EVC2: variants seen among roughly 807,000 people sequenced by gnomAD.
EVC2 encodes the protein EvC ciliary complex subunit 2.
A neutral mutation model predicts 149.3 loss-of-function variants in EVC2; 148 were observed. The observed-to-expected ratio is 0.99, with a 90% CI of 0.87 to 1.14. The LOEUF (loss-of-function observed/expected upper bound fraction) is 1.14, where lower values mean the gene tolerates loss of function less well. EVC2 is among the 50% of genes most tolerant of loss of function. EVC2 has a pLI of 0.00. For missense variants in EVC2, 1,854 were observed against 1,627.3 expected, an observed-to-expected ratio of 1.14 and a Z score of -2.40; for synonymous variants, 776 against 649.9, an observed-to-expected ratio of 1.19 and a Z score of -2.95.
intron 3 of EVC2, among the ~76,000 whole-genome samples, chr4:5,692,873 CA>C (rs1162271018): frequency 1.7e-3 from 63 of 37,226 alleles, no homozygotes; most frequent in East Asian, 6.4e-3. Context: ...GACTCCGTCT[CA>C]AAAAAAAAAA....
rs182186970 is a variant in EVC2, at chr4:5,634,765, G to A, written c.1471-2733C>T. Among the ~76,000 whole-genome samples the A allele has an allele frequency of 3.1e-3, 475 of 152,186 alleles. 1 individual carries two copies. Among genetic ancestry groups the A allele is most frequent in the Non-Finnish European group, 4.9e-3 (333 of 68,008 alleles). On this transcript the variant is annotated intron_variant, in intron 10 of 21. Coordinates refer to ENST00000344408, the MANE Select transcript of EVC2 (RefSeq NM_147127.5). ...GAGAAAACTAAGCCCTAAAGCAGGGGAGGCACACCCCTGGGCCTGCCAAAC... is the reference window on the plus strand; with the variant it reads ...GAGAAAACTAAGCCCTAAAGCAGGGAAGGCACACCCCTGGGCCTGCCAAAC...
intron 7 of EVC2, among the ~76,000 whole-genome samples, chr4:5,672,396 G>C (rs543300937): frequency 6.6e-6 from 1 of 152,326 alleles, no homozygotes; most frequent in East Asian, 1.9e-4. Flanking sequence ...AAGAAACATG[G>C]TTAGATCAGT....
rs1261130284 is a variant in EVC2 at position 5,594,393 on chromosome 4, G to C, written c.2830-9543C>G. Among the ~76,000 whole-genome samples the C allele has an allele frequency of 2.0e-5, 3 of 152,292 alleles. No homozygotes were observed. The East Asian group carries it at 5.8e-4, about 29-fold the overall frequency. ...GACAAAACTTCCAGAGGAACGATCA[G>C]ACAGCAGCATTCGCGGTTCATGAAA... On this transcript the variant is annotated intron_variant, in intron 16 of 21. Coordinates refer to ENST00000344408, the MANE Select transcript of EVC2 (RefSeq NM_147127.5).
intron 20 of EVC2, 148 bp downstream of exon 20, chr4:5,568,295 AT>A: frequency 1.2e-6 from 1 of 857,432 alleles, no homozygotes; most frequent in East Asian, 2.7e-5. Context: ...GGGTGAACTT[AT>A]TTTCTTAAGA....
chr4:5,699,122 C>T (rs77821743), intron 1 of EVC2, among the ~76,000 whole-genome samples: 7,728 of 152,154 alleles, frequency 0.051, 652 homozygotes, highest in African/African-American at 0.17. Context: ...GGCCCACCCA[C>T]GGAGATGGAG....
intron 16 of EVC2, among the ~76,000 whole-genome samples, chr4:5,588,774 A>C (rs1712526948): frequency 1.3e-5 from 2 of 152,182 alleles, no homozygotes; most frequent in Non-Finnish European, 2.9e-5. Flanking sequence ...TTCCATATCT[A>C]TACTTAACCT....
intron 16 of EVC2, among the ~76,000 whole-genome samples, chr4:5,599,659 C>T (rs1713804316): frequency 6.6e-6 from 1 of 152,088 alleles, no homozygotes; most frequent in African/African-American, 2.4e-5. Flanking sequence ...CAGCATGGCA[C>T]ATGTATACAT....
At chr4:5,529,675 T>C in the EVC2 span, among the ~76,000 whole-genome samples, 1 of 152,198 alleles carries the variant, frequency 6.6e-6, no homozygotes, top group Non-Finnish European at 1.5e-5. This position sits in a 1 kb window ranked among gnomAD's most constrained non-coding sequence, Gnocchi z 4.5. Context: ...TTAGGAATGT[T>C]CCCATGTGGC....
intron 9 of EVC2, among the ~76,000 whole-genome samples, chr4:5,645,099 C>G (rs1011327743): frequency 6.6e-6 from 1 of 152,110 alleles, no homozygotes; most frequent in African/African-American, 2.4e-5. Flanking sequence ...AGGATTCCCC[C>G]ATAATGGTAC....
At chr4:5,669,931 T>A (rs1719527733) in intron 7 of EVC2, among the ~76,000 whole-genome samples, 1 of 152,192 alleles carries the variant, frequency 6.6e-6, no homozygotes, top group Non-Finnish European at 1.5e-5. Flanking sequence ...CCCCTTCTCT[T>A]ACAATTCCTG....
In EVC2 at chr4:5,640,443, T is replaced by A; in HGVS notation, c.1470+71A>T. ...TGGAGGAGGCAAATGGACAGATGAG[T>A]GGGTAGATGGATAAATGACAAATCC... On this transcript the variant is annotated intron_variant, in intron 10 of 21. Coordinates refer to ENST00000344408, the MANE Select transcript of EVC2 (RefSeq NM_147127.5). This position sits in a 1 kb window ranked among gnomAD's most constrained non-coding sequence, Gnocchi z 4.6. 1 of 1,582,474 alleles carries A rather than the reference T, an allele frequency of 6.3e-7. No homozygotes were observed. The highest frequency in any genetic ancestry group is 8.7e-7 in the Non-Finnish European group (1 of 1,152,114).
the EVC2 span, among the ~76,000 whole-genome samples, chr4:5,532,695 G>A: frequency 8.1e-4 from 124 of 152,278 alleles, 2 homozygotes; most frequent in African/African-American, 2.5e-3. Flanking sequence ...TGCACTGACC[G>A]TCTAGCAGAG....
At chr4:5,599,708 A>G (rs1455252476) in intron 16 of EVC2, among the ~76,000 whole-genome samples, 2 of 151,934 alleles carry the variant, frequency 1.3e-5, no homozygotes, top group Non-Finnish European at 2.9e-5. Flanking sequence ...GTACCCTAAA[A>G]CTTAAAGCAT....
At chr4:5,615,773 G>C (rs1715201570) in intron 15 of EVC2, among the ~76,000 whole-genome samples, 1 of 152,198 alleles carries the variant, frequency 6.6e-6, no homozygotes, top group Non-Finnish European at 1.5e-5. Flanking sequence ...AAAGGGAGCA[G>C]AGGGAGCCTG....
upstream of EVC2, chr4:5,708,778 C>T (rs954713277): frequency 2.7e-5 from 10 of 368,806 alleles, no homozygotes; most frequent in Non-Finnish European, 4.3e-5. Flanking sequence ...GGGTCACTCC[C>T]CTGCTCCCCG....
chr4:5,592,802 G>C (rs903072160), intron 16 of EVC2, among the ~76,000 whole-genome samples: 2 of 152,172 alleles, frequency 1.3e-5, no homozygotes, highest in African/African-American at 4.8e-5. Flanking sequence ...CCCAAGTGCT[G>C]GCAGGTCACT....
rs775447864 is a variant in EVC2 at position 5,576,199 on chromosome 4, G to A, written c.3272+41C>T. ...AGATGCCAGGTTCTCCAGGACTGCT[G>A]GGGACTAATATCTTTGAGTGCTACG... is the stretch of plus-strand genomic sequence containing the variant. On this transcript the variant is annotated intron_variant, in intron 18 of 21. Transcript: ENST00000344408. This position sits in a 1 kb window ranked among gnomAD's most constrained non-coding sequence, Gnocchi z 4.5. The A allele has an allele frequency of 2.5e-6, 4 of 1,613,798 alleles. No individual in the cohort carries two copies. The highest frequency in any genetic ancestry group is 1.3e-5 in the African/African-American group (1 of 74,910).
rs1418680612 is a variant in EVC2, at chr4:5,636,063, C to T, written c.1471-4031G>A. 2.0e-5 allele frequency among the ~76,000 whole-genome samples: 3 copies of T among 152,154 alleles called. No individual in the cohort carries two copies. Among genetic ancestry groups the T allele is most frequent in the South Asian group, 2.1e-4 (1 of 4,828 alleles). On this transcript the variant is annotated intron_variant, in intron 10 of 21. Transcript: ENST00000344408. This position sits in a 1 kb window ranked among gnomAD's most constrained non-coding sequence, Gnocchi z 4.6. ...GCCGAGCAATGGCTGAAGTACTATA[C>T]GAGAATTAACTTACTTATACTCACA... is the stretch of plus-strand genomic sequence containing the variant.
chr4:5,708,223 G>T, intron 1 of EVC2, 63 bp downstream of exon 1: 1 of 1,359,098 alleles, frequency 7.4e-7, no homozygotes, highest in Non-Finnish European at 9.6e-7. Flanking sequence ...CCCTGCCACC[G>T]CCGGTGTAGA....
Sources: allele counts gnomAD v4.1 joint callset (sites outside exome capture counted in the v4.1 genomes callset), GRCh38; gene constraint gnomAD v4.1.1; non-coding constraint Gnocchi (gnomAD v3.1); transcripts MANE v1.5; gene names NCBI Gene and HGNC (gene_info 2026-07-23, HGNC 2026-07-21).